The following TFB1M variants were observed in gnomAD, a reference collection of about 807,000 sequenced individuals.
The protein encoded by TFB1M is transcription factor B1, mitochondrial.
In TFB1M, 27 loss-of-function variants were observed where a neutral mutation model predicts 31.1. The ratio of observed to expected loss-of-function variants is 0.87; its 90% CI spans 0.64 to 1.20. The LOEUF is 1.20. Among genes scored for constraint, TFB1M ranks in the 50% most tolerant of loss-of-function variants. TFB1M has a pLI of 0.00. For missense variants in TFB1M, 394 were observed against 418.7 expected (o/e 0.94, Z 0.51); for synonymous variants, 166 against 151.8 (o/e 1.09, Z -0.69).
intron 5 of TFB1M, among the ~76,000 whole-genome samples, chr6:155,272,315 A>G (rs1415870124): frequency 6.6e-6 from 1 of 152,224 alleles, no homozygotes; most frequent in Non-Finnish European, 1.5e-5. Flanking sequence ...ATATAAATAA[A>G]CCTTGTCTGG....
chr6:155,304,897 G>A (rs1777599586), intron 2 of TFB1M, among the ~76,000 whole-genome samples: 1 of 150,990 alleles, frequency 6.6e-6, no homozygotes, highest in Admixed American at 6.6e-5. Flanking sequence ...AGAATTGGAA[G>A]TTCAGAAATA....
the TFB1M span, among the ~76,000 whole-genome samples, chr6:155,235,358 A>G: frequency 6.6e-6 from 1 of 152,220 alleles, no homozygotes; most frequent in Non-Finnish European, 1.5e-5. Context: ...AGTGCACAGA[A>G]GGCTGGGGGT....
chr6:155,293,506 C>T (rs886287496), intron 4 of TFB1M, among the ~76,000 whole-genome samples: 2 of 152,150 alleles, frequency 1.3e-5, no homozygotes, highest in Non-Finnish European at 2.9e-5. Flanking sequence ...TGTATTGTTG[C>T]AGGTCTATTC....
At chr6:155,245,588 C>A in the TFB1M span, 81 of 1,549,958 alleles carry the variant, frequency 5.2e-5, no homozygotes, top group Middle Eastern at 1.7e-4. Context: ...TTGATTAAAC[C>A]ATGTCTGATT....
At chr6:155,304,677 T>C (rs937456754) in intron 2 of TFB1M, among the ~76,000 whole-genome samples, 1 of 151,864 alleles carries the variant, frequency 6.6e-6, no homozygotes, top group African/African-American at 2.4e-5. Flanking sequence ...GAAAAAAGAT[T>C]TGTCAGAAAC....
chr6:155,234,578 T>A, the TFB1M span, among the ~76,000 whole-genome samples: 1 of 152,388 alleles, frequency 6.6e-6, no homozygotes. Flanking sequence ...AATTTTTTTT[T>A]ATCTTTTGTA....
At chr6:155,288,306 G>C (rs1205334260) in intron 4 of TFB1M, among the ~76,000 whole-genome samples, 1 of 152,130 alleles carries the variant, frequency 6.6e-6, no homozygotes, top group East Asian at 1.9e-4. Flanking sequence ...CAAGATAAGT[G>C]ATGAGTTACT....
At chr6:155,275,712 G>C (rs1190133666) in intron 5 of TFB1M, 2 of 1,607,814 alleles carry the variant, frequency 1.2e-6, no homozygotes, top group South Asian at 2.2e-5. Context: ...AGACTTAACA[G>C]TAACATCATG....
Position 155,257,207 on chromosome 6 carries a change from A to C in TFB1M, c.*629T>G, listed in dbSNP as rs554612958. On this transcript the variant is annotated 3_prime_UTR_variant, in exon 7 of 7. Transcript: ENST00000367166. ...GGAAATTGCAAAAAAAAAAAAAAAAAAAAACTGTTCATTCCTGGGTTTTGT... is the reference window on the plus strand; with the variant it reads ...GGAAATTGCAAAAAAAAAAAAAAAACAAAACTGTTCATTCCTGGGTTTTGT... The C allele has an allele frequency of 1.5e-4, 203 of 1,386,476 alleles. 2 individuals are homozygous for C. Among genetic ancestry groups the C allele is most frequent in the Non-Finnish European group, 1.7e-4 (176 of 1,017,868 alleles). 85.9% of individuals were successfully genotyped at this position (1,386,476 alleles called of 1,614,324 possible).
downstream of TFB1M, chr6:155,251,815 T>C (rs979663762): frequency 2.3e-5 from 16 of 702,064 alleles, no homozygotes; most frequent in Admixed American, 1.7e-4. Context: ...TATTCACTCA[T>C]GTTGGCAGAG....
intron 4 of TFB1M, among the ~76,000 whole-genome samples, chr6:155,285,618 A>G (rs181289223): frequency 9.8e-5 from 15 of 152,366 alleles, no homozygotes; most frequent in African/African-American, 3.6e-4. Context: ...TGATGAAGAA[A>G]TTAGCAAGCA....
At chr6:155,310,620 TA>T (rs1276790087) in intron 2 of TFB1M, among the ~76,000 whole-genome samples, 1 of 152,226 alleles carries the variant, frequency 6.6e-6, no homozygotes, top group Non-Finnish European at 1.5e-5. Context: ...GCCTGTATTT[TA>T]AAGATGCATG....
At chr6:155,276,480 G>GT in intron 5 of TFB1M, 1 of 1,097,196 alleles carries the variant, frequency 9.1e-7, no homozygotes, top group Non-Finnish European at 1.3e-6. Context: ...TACAAAGAAA[G>GT]TAGAATGTAA....
At chr6:155,286,473 ATATATATGTGTGTG>A (rs1562407466) in intron 4 of TFB1M, among the ~76,000 whole-genome samples, 1 of 145,326 alleles carries the variant, frequency 6.9e-6, no homozygotes, top group Non-Finnish European at 1.5e-5. Flanking sequence ...GACAAAATAT[ATATATATGTGTGTG>A]TATATATATG....
chr6:155,270,950 T>G (rs77845485), intron 5 of TFB1M, among the ~76,000 whole-genome samples: 17,002 of 152,246 alleles, frequency 0.11, 1,248 homozygotes, highest in African/African-American at 0.19. Context: ...CACATAAAGC[T>G]TACAACGACT....
downstream of TFB1M, chr6:155,251,922 T>G: frequency 6.3e-7 from 1 of 1,579,198 alleles, no homozygotes; most frequent in Non-Finnish European, 8.7e-7. Context: ...ATAAAGACTT[T>G]CTTTCTCTTT....
the TFB1M span, among the ~76,000 whole-genome samples, chr6:155,243,483 G>C: frequency 6.6e-6 from 1 of 152,208 alleles, no homozygotes; most frequent in East Asian, 1.9e-4. Flanking sequence ...GTGGAATCCA[G>C]CTGTTGCCTG....
chr6:155,282,687 T>A (rs1215618616), intron 5 of TFB1M, among the ~76,000 whole-genome samples: 1 of 152,184 alleles, frequency 6.6e-6, no homozygotes, highest in African/African-American at 2.4e-5. Context: ...AATTAGTTTA[T>A]CATCTCTGTA....
At chr6:155,299,381 C>A (rs1003295616) in intron 2 of TFB1M, 1 of 152,120 alleles carries the variant, frequency 6.6e-6, no homozygotes, top group African/African-American at 2.4e-5. Context: ...GCACTTAATT[C>A]AAAAAACTTT....
Sources: allele counts gnomAD v4.1 joint callset (sites outside exome capture counted in the v4.1 genomes callset), GRCh38; gene constraint gnomAD v4.1.1; transcripts MANE v1.5; gene names NCBI Gene and HGNC (gene_info 2026-07-23, HGNC 2026-07-21).